The following CAMSAP2 variants were observed in gnomAD, a reference collection of about 807,000 sequenced individuals.
The protein encoded by CAMSAP2 is calmodulin regulated spectrin associated protein family member 2.
In CAMSAP2, 26 loss-of-function variants were observed where a neutral mutation model predicts 146.1. That is an observed-to-expected ratio of 0.18 (90% CI 0.13 to 0.25). The LOEUF is 0.25. CAMSAP2 is among the 10% of genes least tolerant of loss of function. CAMSAP2 has a pLI of 1.00. For missense variants in CAMSAP2, 1,381 were observed against 1,759.3 expected (o/e 0.78, Z 3.85); for synonymous variants, 499 against 596.6 (o/e 0.84, Z 2.38).
intron 3 of CAMSAP2, among the ~76,000 whole-genome samples, chr1:200,807,739 CTTTTTTTTTT>C (rs397948290): frequency 7.6e-6 from 1 of 131,394 alleles, no homozygotes; most frequent in Non-Finnish European, 1.6e-5. Context: ...TATGATTACT[CTTTTTTTTTT>C]TTTTTTTTTG....
Position 200,739,297 on chromosome 1 carries a change from C to G in CAMSAP2, c.-531C>G, listed in dbSNP as rs1664075589. The stretch of plus-strand genomic sequence containing the variant: ...CGCGCTTCCCCCTCGTCCTGCTCGT[C>G]CCTCCGCCCACCCGGGGCCTGAGGG... On this transcript the variant is annotated 5_prime_UTR_variant, in exon 1 of 17. Coordinates refer to ENST00000358823, the MANE Select transcript of CAMSAP2 (RefSeq NM_203459.4). This position sits in a 1 kb window ranked among gnomAD's most constrained non-coding sequence, Gnocchi z 4.8. Among the ~76,000 whole-genome samples, 1 of 152,136 alleles carries G rather than the reference C, an allele frequency of 6.6e-6. No individual in the cohort carries two copies. Among genetic ancestry groups the G allele is most frequent in the Non-Finnish European group, 1.5e-5 (1 of 67,984 alleles).
At chr1:200,830,829 A>T (rs1380368710) in intron 4 of CAMSAP2, among the ~76,000 whole-genome samples, 1 of 152,202 alleles carries the variant, frequency 6.6e-6, no homozygotes, top group Non-Finnish European at 1.5e-5. Flanking sequence ...TGCACTAATT[A>T]ACAAGAACCT....
chr1:200,810,762 G>A (rs547487345), intron 3 of CAMSAP2, among the ~76,000 whole-genome samples: 34 of 151,896 alleles, frequency 2.2e-4, no homozygotes, highest in Middle Eastern at 3.4e-3. Flanking sequence ...GGTGGCACGC[G>A]CCTGTAGTCC....
intron 1 of CAMSAP2, among the ~76,000 whole-genome samples, chr1:200,754,296 A>G (rs1355684839): frequency 2.0e-5 from 3 of 152,194 alleles, no homozygotes; most frequent in Non-Finnish European, 2.9e-5. Context: ...TCAGTAAATC[A>G]TATCAGGGGA....
chr1:200,780,905 A>ACT (rs1375971423), intron 2 of CAMSAP2, among the ~76,000 whole-genome samples: 1 of 152,162 alleles, frequency 6.6e-6, no homozygotes, highest in Non-Finnish European at 1.5e-5. Flanking sequence ...GTGAAGCCTG[A>ACT]CTGAGTGGTA....
rs1018119331 is a variant in CAMSAP2, at chr1:200,739,742, T to C, written c.-86T>C. On this transcript the variant is annotated 5_prime_UTR_variant, in exon 1 of 17. Transcript: ENST00000358823. This position sits in a 1 kb window ranked among gnomAD's most constrained non-coding sequence, Gnocchi z 4.8. ...CCGGGCCCCGATGGTTTGAGCTTGC[T>C]TCTCCCTCCCTCCCGACCCCCGTGG... The C allele has an allele frequency of 7.1e-7, 1 of 1,405,062 alleles. No individual in the cohort carries two copies. Among genetic ancestry groups the C allele is most frequent in the African/African-American group, 1.4e-5 (1 of 69,832 alleles). The allele number at this position is 1,405,062 out of a possible 1,614,324, so 87.0% of individuals were successfully genotyped here. A position where few individuals can be genotyped will look rare whatever the true frequency, so the allele number is the denominator to read the frequency against.
intron 6 of CAMSAP2, among the ~76,000 whole-genome samples, chr1:200,834,193 C>G (rs369976835): frequency 6.6e-6 from 1 of 151,964 alleles, no homozygotes; most frequent in Non-Finnish European, 1.5e-5. Flanking sequence ...TGAAACCTCA[C>G]GTTTACTAAA....
In CAMSAP2 at chr1:200,860,581, C is replaced by G. The variant is rs1350452208; in HGVS notation, c.*2522C>G. On this transcript the variant is annotated 3_prime_UTR_variant, in exon 17 of 17. Transcript: ENST00000358823. ...TGTATGGTGTGCTTACCTGTCCACT[C>G]TAGAGCATTGCTTACAGGTTTTTTG... The G allele has an allele frequency of 1.3e-5, 2 of 152,332 alleles. No homozygotes were observed. Among genetic ancestry groups the G allele is most frequent in the East Asian group, 1.9e-4 (1 of 5,346 alleles). The allele number at this position is 152,332 out of a possible 1,614,324, so 9.4% of individuals were successfully genotyped here. A position where few individuals can be genotyped will look rare whatever the true frequency, so the allele number is the denominator to read the frequency against.
intron 3 of CAMSAP2, among the ~76,000 whole-genome samples, chr1:200,815,169 G>A (rs1324003791): frequency 6.6e-6 from 1 of 151,964 alleles, no homozygotes; most frequent in Non-Finnish European, 1.5e-5. Flanking sequence ...GTTATTTATT[G>A]ATAACAACAA....
At chr1:200,775,483 T>G (rs1665244533) in intron 2 of CAMSAP2, among the ~76,000 whole-genome samples, 1 of 152,168 alleles carries the variant, frequency 6.6e-6, no homozygotes, top group African/African-American at 2.4e-5. Flanking sequence ...ATAATAATAA[T>G]TTTGGTAAAA....
chr1:200,753,666 A>G (rs1302653911), intron 1 of CAMSAP2, among the ~76,000 whole-genome samples: 18 of 152,180 alleles, frequency 1.2e-4, no homozygotes, highest in Admixed American at 1.2e-3. Flanking sequence ...ACCATCTCCT[A>G]AACCCCTACT....
intron 12 of CAMSAP2, among the ~76,000 whole-genome samples, chr1:200,853,000 TACACACACACAC>T (rs67551824): frequency 1.1e-4 from 16 of 147,566 alleles, no homozygotes; most frequent in South Asian, 2.3e-4. Flanking sequence ...TCCTGGGAGA[TACACACACACAC>T]ACACACACAC....
rs566381281 is a variant in CAMSAP2, at chr1:200,846,928, A to G, written c.1110-282A>G. ...GGTGAGTTTCATTTTACTTTTTTATATATCAGTTTTTATGTTTATAAAAAT... is the reference window on the plus strand; with the variant it reads ...GGTGAGTTTCATTTTACTTTTTTATGTATCAGTTTTTATGTTTATAAAAAT... On this transcript the variant is annotated intron_variant, in intron 8 of 16. Transcript: ENST00000358823. Among the ~76,000 whole-genome samples, 3 of 152,296 alleles carry G rather than the reference A, an allele frequency of 2.0e-5. No individual in the cohort carries two copies. In the South Asian group the frequency reaches 6.2e-4, roughly 32 times the overall value.
intron 4 of CAMSAP2, among the ~76,000 whole-genome samples, chr1:200,822,160 A>G (rs970566424): frequency 6.6e-6 from 1 of 151,428 alleles, no homozygotes; most frequent in African/African-American, 2.4e-5. Context: ...ACACACACAC[A>G]CACACACACA....
intron 6 of CAMSAP2, 50 bp from the exon 7 acceptor site, chr1:200,841,944 T>C: frequency 8.0e-7 from 1 of 1,256,896 alleles, no homozygotes; most frequent in Non-Finnish European, 1.2e-6. Flanking sequence ...AAATTCTGTT[T>C]ATCATGAAGT....
rs1415827685 is a variant in CAMSAP2 at position 200,817,211 on chromosome 1, T to TATGTGTGTGTATATACACACAC, written c.645+1568_645+1569insTGTGTGTGTATATACACACACA. Among the ~76,000 whole-genome samples the TATGTGTGTGTATATACACACAC allele has an allele frequency of 1.7e-3, 94 of 56,186 alleles. 2 individuals carry two copies. Among genetic ancestry groups the TATGTGTGTGTATATACACACAC allele is most frequent in the South Asian group, 3.1e-3 (5 of 1,608 alleles). 36.9% of individuals were successfully genotyped at this position (56,186 alleles called of 152,430 possible). ...ACACATGTGTGTGTGTATACACACA[T>TATGTGTGTGTATATACACACAC]ACACACATATGTGTGTGTATATACA... is the stretch of plus-strand genomic sequence containing the variant. On this transcript the variant is annotated intron_variant, in intron 4 of 16. Transcript: ENST00000358823.
chr1:200,854,895 TCTATAACG>T lies in CAMSAP2; in HGVS notation c.3896+7_3896+14del. The T allele has an allele frequency of 6.3e-7, 1 of 1,596,324 alleles. No homozygotes were observed. The highest frequency in any genetic ancestry group is 8.6e-7 in the Non-Finnish European group (1 of 1,167,906). The stretch of plus-strand genomic sequence containing the variant: ...TCAGGCAAGAGGACGCCAAGGTAAA[TCTATAACG>T]TATGAATATTTTTACAGAAAAGAAT... On this transcript the variant is annotated splice_region_variant and intron_variant, in intron 14 of 16. Coordinates refer to ENST00000358823, the MANE Select transcript of CAMSAP2 (RefSeq NM_203459.4).
In CAMSAP2 at chr1:200,858,896, A is replaced by C. The variant is rs1667813639; in HGVS notation, c.*837A>C. ...CTTTCTATCTCTTTTAAAGTAAGTC[A>C]CTTTATAAGTTGGCAGAAGTGAATG... On this transcript the variant is annotated 3_prime_UTR_variant, in exon 17 of 17. Coordinates refer to ENST00000358823, the MANE Select transcript of CAMSAP2 (RefSeq NM_203459.4). The C allele has an allele frequency of 6.6e-6, 1 of 152,434 alleles. No individual in the cohort carries two copies. The allele number at this position is 152,434 out of a possible 1,614,324, so 9.4% of individuals were successfully genotyped here. A position where few individuals can be genotyped will look rare whatever the true frequency, so the allele number is the denominator to read the frequency against.
intron 6 of CAMSAP2, among the ~76,000 whole-genome samples, chr1:200,838,267 A>C (rs1394027823): frequency 1.3e-5 from 2 of 152,204 alleles, no homozygotes; most frequent in Non-Finnish European, 2.9e-5. Context: ...TGAGCACTTA[A>C]GCAGTATTTT....
Sources: allele counts gnomAD v4.1 joint callset (sites outside exome capture counted in the v4.1 genomes callset), GRCh38; gene constraint gnomAD v4.1.1; non-coding constraint Gnocchi (gnomAD v3.1); transcripts MANE v1.5; gene names NCBI Gene and HGNC (gene_info 2026-07-23, HGNC 2026-07-21).